KCTD16: variants seen among roughly 807,000 people sequenced by gnomAD.
KCTD16 encodes the protein BTB/POZ domain-containing protein KCTD16.
In KCTD16, 13 loss-of-function variants were observed where a neutral mutation model predicts 33.2. The ratio of observed to expected loss-of-function variants is 0.39; its 90% CI spans 0.25 to 0.62. KCTD16 has a LOEUF of 0.62. Among genes scored for constraint, KCTD16 ranks in the 20% least tolerant of loss-of-function variants. The pLI, the probability that KCTD16 is intolerant of heterozygous loss-of-function variation, is 0.50. For missense variants in KCTD16, 441 were observed against 525.1 expected, an observed-to-expected ratio of 0.84 and a Z score of 1.57; for synonymous variants, 197 against 195.3, an observed-to-expected ratio of 1.01 and a Z score of -0.07.
intron 2 of KCTD16, among the ~76,000 whole-genome samples, chr5:144,198,937 A>T (rs1176802970): frequency 6.6e-6 from 1 of 152,202 alleles, no homozygotes; most frequent in Non-Finnish European, 1.5e-5. Context: ...ACCTCTTTCA[A>T]ACTCTGTTCT....
At chr5:144,271,640 G>A (rs146211319) in intron 3 of KCTD16, among the ~76,000 whole-genome samples, 2 of 151,994 alleles carry the variant, frequency 1.3e-5, no homozygotes, top group African/African-American at 4.8e-5. Flanking sequence ...ATACTTGGAA[G>A]TTTTAGCCAG....
chr5:144,219,427 T>C (rs1753665748), intron 3 of KCTD16, among the ~76,000 whole-genome samples: 1 of 150,490 alleles, frequency 6.6e-6, no homozygotes, highest in South Asian at 2.1e-4. Context: ...TTGGCCAGGC[T>C]GGTCTCAAAC....
intron 3 of KCTD16, among the ~76,000 whole-genome samples, chr5:144,351,467 C>T (rs562678712): frequency 2.6e-5 from 4 of 152,102 alleles, no homozygotes; most frequent in South Asian, 2.1e-4. Context: ...TAAGTTAGTA[C>T]GGCTATTATG....
chr5:144,473,603 G>A, intron 3 of KCTD16, 57 bp from the exon 4 acceptor site: 2 of 1,449,454 alleles, frequency 1.4e-6, no homozygotes, highest in Non-Finnish European at 1.9e-6. Context: ...GTGCTATACT[G>A]CTACTCCAAC....
At chr5:144,393,493 G>A (rs551742742) in intron 3 of KCTD16, among the ~76,000 whole-genome samples, 1 of 152,168 alleles carries the variant, frequency 6.6e-6, no homozygotes, top group East Asian at 1.9e-4. Flanking sequence ...TAGGCAACAA[G>A]TATAATTTGG....
chr5:144,282,422 T>A (rs553409002), intron 3 of KCTD16, among the ~76,000 whole-genome samples: 3 of 152,258 alleles, frequency 2.0e-5, no homozygotes, highest in African/African-American at 7.2e-5. Flanking sequence ...TATTAATAAA[T>A]CAGTAAGTGT....
chr5:144,316,575 A>G (rs183050649), intron 3 of KCTD16, among the ~76,000 whole-genome samples: 229 of 136,528 alleles, frequency 1.7e-3, no homozygotes, highest in African/African-American at 6.2e-3. Flanking sequence ...CAGTGGCGCG[A>G]TCTCTCCACT....
At chr5:144,179,506 A>T (rs1180210437) in intron 2 of KCTD16, among the ~76,000 whole-genome samples, 2 of 152,114 alleles carry the variant, frequency 1.3e-5, no homozygotes, top group Non-Finnish European at 2.9e-5. Context: ...TGATTAATAA[A>T]CTGCTGCCAG....
chr5:144,264,533 T>C (rs1455505489), intron 3 of KCTD16, among the ~76,000 whole-genome samples: 1 of 151,996 alleles, frequency 6.6e-6, no homozygotes, highest in African/African-American at 2.4e-5. Context: ...AGGGCCAAGG[T>C]AGGAGGATCT....
intron 3 of KCTD16, among the ~76,000 whole-genome samples, chr5:144,398,542 G>A (rs1172425847): frequency 2.6e-5 from 4 of 152,100 alleles, no homozygotes; most frequent in African/African-American, 4.8e-5. Flanking sequence ...AGTCCCTCCA[G>A]CATGAGCTCT....
chr5:144,457,030 G>A (rs2126989207), intron 3 of KCTD16, among the ~76,000 whole-genome samples: 1 of 152,228 alleles, frequency 6.6e-6, no homozygotes, highest in Non-Finnish European at 1.5e-5. Context: ...AGGTAGCTGA[G>A]GAAACAAACT....
intron 3 of KCTD16, among the ~76,000 whole-genome samples, chr5:144,425,445 T>A (rs1421594997): frequency 6.6e-6 from 1 of 151,722 alleles, no homozygotes; most frequent in Non-Finnish European, 1.5e-5. Context: ...TACTGGGGTC[T>A]CTGAAGGGCC....
chr5:144,277,828 G>A (rs1329174831), intron 3 of KCTD16, among the ~76,000 whole-genome samples: 1 of 151,978 alleles, frequency 6.6e-6, no homozygotes, highest in Non-Finnish European at 1.5e-5. Context: ...TATCCTCTTT[G>A]GGGAAATATC....
intron 2 of KCTD16, among the ~76,000 whole-genome samples, chr5:144,194,118 G>A (rs1752895975): frequency 6.6e-6 from 1 of 152,134 alleles, no homozygotes; most frequent in African/African-American, 2.4e-5. Flanking sequence ...GGTTCACCGA[G>A]ACTGAATTAG....
chr5:144,303,496 A>T (rs372564190), intron 3 of KCTD16, among the ~76,000 whole-genome samples: 1 of 152,212 alleles, frequency 6.6e-6, no homozygotes, highest in East Asian at 1.9e-4. Context: ...TGGCAAGAGC[A>T]ATGGAAATGA....
intron 3 of KCTD16, among the ~76,000 whole-genome samples, chr5:144,418,550 A>C (rs1007015934): frequency 1.3e-5 from 2 of 152,276 alleles, no homozygotes; most frequent in East Asian, 3.9e-4. Flanking sequence ...CCAGAAGCCT[A>C]GCTGGCTTCA....
intron 2 of KCTD16, among the ~76,000 whole-genome samples, chr5:144,189,534 A>G (rs1319222235): frequency 2.0e-5 from 3 of 151,930 alleles, no homozygotes; most frequent in African/African-American, 7.2e-5. Context: ...GAAAATGTAG[A>G]GCAGGTACAT....
intron 2 of KCTD16, among the ~76,000 whole-genome samples, chr5:144,194,703 A>G (rs939154040): frequency 6.6e-6 from 1 of 152,224 alleles, no homozygotes; most frequent in African/African-American, 2.4e-5. Context: ...CCCCTGTTGT[A>G]CAGATGAGAA....
chr5:144,298,471 G>A (rs1485874787), intron 3 of KCTD16, among the ~76,000 whole-genome samples: 1 of 152,224 alleles, frequency 6.6e-6, no homozygotes, highest in East Asian at 1.9e-4. Flanking sequence ...GTTAAGGGAT[G>A]CTGGTGGCTA....
Sources: allele counts gnomAD v4.1 joint callset (sites outside exome capture counted in the v4.1 genomes callset), GRCh38; gene constraint gnomAD v4.1.1; transcripts MANE v1.5; gene names NCBI Gene and HGNC (gene_info 2026-07-23, HGNC 2026-07-21).